Variants in ADGRG2 observed in about 807,000 individuals in gnomAD.
ADGRG2 encodes the protein adhesion G protein-coupled receptor G2, also known as G protein-coupled receptor 64.
ADGRG2 carries 26 observed loss-of-function variants against 74.1 expected under a neutral mutation model. That is an observed-to-expected ratio of 0.35 (90% CI 0.26 to 0.49). ADGRG2 has a LOEUF of 0.49. Ranked by LOEUF, ADGRG2 falls within the 20% of genes least tolerant of loss-of-function variation. The pLI is 0.99. For missense variants in ADGRG2, 619 were observed against 763.1 expected (o/e 0.81, Z 2.22); for synonymous variants, 296 against 295.2 (o/e 1.00, Z -0.03).
chrX:19,113,101 G>A (rs1279168700), intron 1 of ADGRG2, among the ~76,000 whole-genome samples: 1 of 108,670 alleles, frequency 9.2e-6, no homozygotes, highest in Non-Finnish European at 1.9e-5. Flanking sequence ...TAAACCTGCC[G>A]GTGCGGTGGC....
rs377324392 is a variant in ADGRG2 at position 19,010,627 on chromosome X, G to A, written c.1251C>T (p.Ala417=). ...RLLHSPPDML[A]PLAQRLLKVV... ...CGAAGTCGTACCTTTGAGCCAGAGG[G>A]GCCAGCATGTCAGGCGGGGAATGAA... Residue 417 remains alanine, a synonymous_variant, in exon 17 of 29, where the codon GCC becomes GCT. Coordinates refer to ENST00000379869, the MANE Select transcript of ADGRG2 (RefSeq NM_001079858.3). 8.3e-7 allele frequency: 1 copy of A among 1,204,250 alleles called. No homozygotes were observed. The highest frequency in any genetic ancestry group is 1.1e-6 in the Non-Finnish European group (1 of 892,355).
intron 12 of ADGRG2, 46 bp from the exon 13 acceptor site, chrX:19,023,499 G>C: frequency 1.3e-6 from 1 of 754,583 alleles, no homozygotes; most frequent in Non-Finnish European, 2.0e-6. Context: ...GTTACTTTGG[G>C]CAGTTGGAAA....
rs1363306197 is a variant in ADGRG2 at position 19,089,857 on chromosome X, A to AT, written c.-46-7112_-46-7111insA. 4.5e-5 allele frequency among the ~76,000 whole-genome samples: 5 copies of AT among 111,654 alleles called. No individual in the cohort carries two copies. In the Admixed American group the frequency reaches 4.7e-4, roughly 11 times the overall value. On this transcript the variant is annotated intron_variant, in intron 1 of 28. Transcript: ENST00000379869. ...AGAACCATCTTGCTGAGCCCTGCCA[A>AT]GACTGTGGACTCAAAAAATGTGAAC... is the stretch of plus-strand genomic sequence containing the variant.
chrX:19,109,037 C>T (rs2062366206), intron 1 of ADGRG2, among the ~76,000 whole-genome samples: 1 of 110,067 alleles, frequency 9.1e-6, no homozygotes, highest in Non-Finnish European at 1.9e-5. Context: ...GACCCCATCT[C>T]AAAAAAGAAG....
chrX:19,079,769 G>A (rs2146951810), intron 2 of ADGRG2, among the ~76,000 whole-genome samples: 1 of 112,156 alleles, frequency 8.9e-6, no homozygotes, highest in African/African-American at 3.2e-5. Flanking sequence ...AGTGCTTTCT[G>A]ATGCAGAAAA....
intron 2 of ADGRG2, among the ~76,000 whole-genome samples, chrX:19,070,982 C>T (rs2061645168): frequency 9.0e-6 from 1 of 111,538 alleles, no homozygotes; most frequent in Non-Finnish European, 1.9e-5. Context: ...TTCATTCATT[C>T]ATTCATTCAT....
intron 1 of ADGRG2, among the ~76,000 whole-genome samples, chrX:19,116,533 T>C (rs938742576): frequency 1.5e-5 from 1 of 68,292 alleles, no homozygotes; most frequent in African/African-American, 8.1e-5. Context: ...AAAAAAAAAG[T>C]GTGGGAAGAG....
chrX:19,000,416 CAT>C (rs748129395), intron 24 of ADGRG2, among the ~76,000 whole-genome samples: 2 of 112,128 alleles, frequency 1.8e-5, no homozygotes. Context: ...CTCTTTGGCA[CAT>C]GACTGGATGC....
rs759822039 is a variant in ADGRG2, at chrX:19,023,723, C to G, written c.510+186G>C. ...TGGTGTTACATGAAGGAAAATCTACCTCCTTATAATGTCTACCCATTGCTT... is the reference window on the plus strand; with the variant it reads ...TGGTGTTACATGAAGGAAAATCTACGTCCTTATAATGTCTACCCATTGCTT... On this transcript the variant is annotated intron_variant, in intron 12 of 28. Coordinates refer to ENST00000379869, the MANE Select transcript of ADGRG2 (RefSeq NM_001079858.3). Among the ~76,000 whole-genome samples, 4 of 111,859 alleles carry G rather than the reference C, an allele frequency of 3.6e-5. No homozygotes were observed. The Admixed American group carries it at 3.8e-4, about 11-fold the overall frequency.
rs756655349 is a variant in ADGRG2, at chrX:18,994,898, T to C, written c.2867A>G (p.Asn956Ser). 5 of 1,189,395 alleles carry C rather than the reference T, an allele frequency of 4.2e-6. No individual in the cohort carries two copies. In the South Asian group the frequency reaches 5.5e-5, roughly 13 times the overall value. ...ATACTATATTGAGACATACATACCA[T>C]TCCCGCTTGCGTGTACTGAGCAATC... is the stretch of plus-strand genomic sequence containing the variant. ...NNDCSVHASG[N>S]GNASTERNGV... The change falls in exon 28 of 29, where the codon AAT becomes AGT. Residue 956 changes from asparagine to serine, a missense_variant and splice_region_variant. Coordinates refer to ENST00000379869, the MANE Select transcript of ADGRG2 (RefSeq NM_001079858.3).
chrX:19,111,052 G>A (rs1454725571), intron 1 of ADGRG2, among the ~76,000 whole-genome samples: 1 of 111,665 alleles, frequency 9.0e-6, no homozygotes, highest in African/African-American at 3.3e-5. Flanking sequence ...CTTGGGATAC[G>A]GTTTAGAAGC....
intron 16 of ADGRG2, among the ~76,000 whole-genome samples, chrX:19,012,256 T>C (rs1163254316): frequency 9.0e-6 from 1 of 111,729 alleles, no homozygotes; most frequent in Non-Finnish European, 1.9e-5. Flanking sequence ...GTATCTTTTA[T>C]GAATATGTCA....
At chrX:19,048,878 G>C (rs2061250205) in intron 3 of ADGRG2, among the ~76,000 whole-genome samples, 1 of 112,366 alleles carries the variant, frequency 8.9e-6, no homozygotes, top group African/African-American at 3.2e-5. Context: ...TGTAAATGCT[G>C]CTTAGCGCTT....
intron 20 of ADGRG2, among the ~76,000 whole-genome samples, chrX:19,006,697 TCA>T (rs1380436959): frequency 9.1e-6 from 1 of 110,229 alleles, no homozygotes; most frequent in East Asian, 2.8e-4. Context: ...ATCTGATATT[TCA>T]CAGTTGTTAA....
intron 2 of ADGRG2, among the ~76,000 whole-genome samples, chrX:19,075,414 C>G (rs1354087870): frequency 1.8e-5 from 2 of 109,120 alleles, no homozygotes; most frequent in Admixed American, 1.9e-4. Flanking sequence ...GCCAGGAGTT[C>G]GAGGTCAGCC....
chrX:19,101,959 G>A (rs2062195517), intron 1 of ADGRG2, among the ~76,000 whole-genome samples: 1 of 110,790 alleles, frequency 9.0e-6, no homozygotes, highest in African/African-American at 3.3e-5. Flanking sequence ...CCAGTGTTCT[G>A]ATTGCCTGAG....
chrX:19,091,492 TCACACACACA>T lies in ADGRG2; in HGVS notation c.-46-8756_-46-8747del, dbSNP rs57540002. 5.5e-3 allele frequency among the ~76,000 whole-genome samples: 457 copies of T among 82,628 alleles called. 3 individuals are homozygous for T. Among genetic ancestry groups the T allele is most frequent in the African/African-American group, 0.018 (417 of 23,073 alleles). The allele number at this position is 82,628 out of a possible 115,157, so 71.8% of individuals were successfully genotyped here. A position where few individuals can be genotyped will look rare whatever the true frequency, so the allele number is the denominator to read the frequency against. On this transcript the variant is annotated intron_variant, in intron 1 of 28. Transcript: ENST00000379869. ...AGAAATGGAGACTACAGATTTTATG[TCACACACACA>T]CACACACACACACACACACACACAC... is the stretch of plus-strand genomic sequence containing the variant.
chrX:19,113,926 G>T (rs1426006419), intron 1 of ADGRG2, among the ~76,000 whole-genome samples: 1 of 109,270 alleles, frequency 9.2e-6, no homozygotes, highest in Non-Finnish European at 1.9e-5. Context: ...AAGAAAAATA[G>T]CCAGGCGTGG....
intron 3 of ADGRG2, 49 bp downstream of exon 3, chrX:19,068,668 C>T: frequency 9.4e-6 from 5 of 534,410 alleles, no homozygotes; most frequent in Non-Finnish European, 1.5e-5. Flanking sequence ...AAAATACACA[C>T]ATGCAGATAA....
Sources: allele counts gnomAD v4.1 joint callset (sites outside exome capture counted in the v4.1 genomes callset), GRCh38; gene constraint gnomAD v4.1.1; transcripts MANE v1.5; gene names NCBI Gene and HGNC (gene_info 2026-07-23, HGNC 2026-07-21).